Variants in MICAL3 observed in about 807,000 individuals in gnomAD.
The protein encoded by MICAL3 is microtubule associated monooxygenase, calponin and LIM domain containing 3.
A neutral mutation model predicts 207.4 loss-of-function variants in MICAL3; 62 were observed. The ratio of observed to expected loss-of-function variants is 0.30; its 90% confidence interval spans 0.24 to 0.37. MICAL3 has a LOEUF of 0.37. Among genes scored for constraint, MICAL3 ranks in the 10% least tolerant of loss-of-function variants. MICAL3 has a pLI of 1.00. For missense variants in MICAL3, 2,368 were observed against 2,635.6 expected (o/e 0.90, Z 2.22); for synonymous variants, 1,077 against 1,069.3 (o/e 1.01, Z -0.14).
At chr22:17,984,422 C>T (rs529504116) in intron 1 of MICAL3, among the ~76,000 whole-genome samples, 52 of 152,374 alleles carry the variant, frequency 3.4e-4, no homozygotes, top group Non-Finnish European at 5.6e-4. Context: ...GATAAAGACA[C>T]TGGTCCAAGA....
intron 1 of MICAL3, among the ~76,000 whole-genome samples, chr22:17,976,512 T>C (rs1343307154): frequency 6.7e-6 from 1 of 148,222 alleles, no homozygotes; most frequent in Non-Finnish European, 1.5e-5. Flanking sequence ...GAATAAAATA[T>C]ACATGTATAT....
chr22:17,869,338 T>C (rs1602098127), intron 17 of MICAL3, among the ~76,000 whole-genome samples: 1 of 152,064 alleles, frequency 6.6e-6, no homozygotes, highest in East Asian at 1.9e-4. Context: ...AGGAGACCAG[T>C]GGTCCAAGTG....
intron 1 of MICAL3, among the ~76,000 whole-genome samples, chr22:17,918,666 C>T (rs1275393121): frequency 6.6e-6 from 1 of 152,174 alleles, no homozygotes; most frequent in Non-Finnish European, 1.5e-5. Flanking sequence ...CACGCCTTCC[C>T]TCTGTTGCCT....
chr22:17,825,618 G>A (rs1208022793), intron 22 of MICAL3, among the ~76,000 whole-genome samples: 2 of 152,200 alleles, frequency 1.3e-5, no homozygotes, highest in Admixed American at 6.5e-5. Context: ...GAAGCCCCAC[G>A]AGCTCCCATG....
chr22:17,872,690 T>C, intron 16 of MICAL3: 1 of 1,028,578 alleles, frequency 9.7e-7, no homozygotes, highest in Non-Finnish European at 1.5e-6. Context: ...AGCACACAGG[T>C]GTGTTTCCCA....
intron 1 of MICAL3, among the ~76,000 whole-genome samples, chr22:17,958,344 G>C (rs1352460015): frequency 6.6e-6 from 1 of 152,218 alleles, no homozygotes; most frequent in African/African-American, 2.4e-5. Flanking sequence ...GAGAGACTGA[G>C]TTGAACGCAC....
chr22:17,987,803 GA>G (rs66649640), intron 1 of MICAL3, among the ~76,000 whole-genome samples: 35,401 of 151,580 alleles, frequency 0.23, 4,764 homozygotes, highest in East Asian at 0.52. Context: ...AAATTGGTCT[GA>G]AAAAAATGCA....
Position 17,791,614 on chromosome 22 carries a change from C to T in MICAL3, c.5651-313G>A, listed in dbSNP as rs75492633. The T allele has an allele frequency of 9.6e-3, 3,650 of 381,426 alleles. 180 individuals are homozygous for T. The East Asian group carries it at 0.12, about 13-fold the overall frequency. 23.6% of individuals were successfully genotyped at this position (381,426 alleles called of 1,614,324 possible). ...CTTAGGATGACTTACATTGCTTTCCCTCTTTTTTGCCACTCAATGTTTATT... is the reference window on the plus strand; with the variant it reads ...CTTAGGATGACTTACATTGCTTTCCTTCTTTTTTGCCACTCAATGTTTATT... On this transcript the variant is annotated intron_variant, in intron 29 of 31. Coordinates refer to ENST00000441493, the MANE Select transcript of MICAL3 (RefSeq NM_015241.3).
chr22:17,821,814 C>A (rs1921680408), intron 24 of MICAL3, among the ~76,000 whole-genome samples: 1 of 152,238 alleles, frequency 6.6e-6, no homozygotes, highest in South Asian at 2.1e-4. Flanking sequence ...CAGACCCAAA[C>A]TATGCAAGGA....
At chr22:17,996,805 A>C (rs1922335199) in intron 1 of MICAL3, among the ~76,000 whole-genome samples, 1 of 152,150 alleles carries the variant, frequency 6.6e-6, no homozygotes, top group Non-Finnish European at 1.5e-5. Flanking sequence ...GTACACCGGA[A>C]GCTAAAGACC....
At chr22:17,912,839 C>A (rs1456412946) in intron 1 of MICAL3, among the ~76,000 whole-genome samples, 1 of 152,206 alleles carries the variant, frequency 6.6e-6, no homozygotes, top group Non-Finnish European at 1.5e-5. Context: ...CCTAACTGCT[C>A]TGGATAGAAC....
chr22:17,849,211 C>T (rs1158549115), intron 19 of MICAL3, among the ~76,000 whole-genome samples: 4 of 152,230 alleles, frequency 2.6e-5, no homozygotes, highest in Non-Finnish European at 5.9e-5. Context: ...TCACAAATCC[C>T]ACAAGTCCCT....
rs552793119 is a variant in MICAL3 at position 17,997,895 on chromosome 22, C to T, written c.-75+26386G>A. Among the ~76,000 whole-genome samples, 4 of 149,382 alleles carry T rather than the reference C, an allele frequency of 2.7e-5. No individual in the cohort carries two copies. In the East Asian group the frequency reaches 5.9e-4, roughly 22 times the overall value. ...CCACTACCTAGTCATCAGAAAAGCA[C>T]AATGATCTGGTATCTTTAAGTCCTT... On this transcript the variant is annotated intron_variant, in intron 1 of 31. Coordinates refer to ENST00000441493, the MANE Select transcript of MICAL3 (RefSeq NM_015241.3).
intron 19 of MICAL3, chr22:17,860,366 A>T: frequency 1.0e-6 from 1 of 985,444 alleles, no homozygotes; most frequent in South Asian, 4.7e-5. Context: ...CGGGCAGTAG[A>T]CAGGCAGCAG....
At chr22:17,850,308 G>A (rs1156757555) in intron 19 of MICAL3, among the ~76,000 whole-genome samples, 1 of 151,672 alleles carries the variant, frequency 6.6e-6, no homozygotes, top group Non-Finnish European at 1.5e-5. Flanking sequence ...CCCCTGCAGT[G>A]AGGACACCGC....
chr22:17,876,941 GGTTAT>G (rs1928571473), intron 16 of MICAL3: 1 of 92,546 alleles, frequency 1.1e-5, no homozygotes, highest in South Asian at 3.6e-4. Flanking sequence ...AGGTTAGGGA[GGTTAT>G]GGAGGTTATG....
intron 16 of MICAL3, among the ~76,000 whole-genome samples, chr22:17,875,909 G>C (rs921330250): frequency 3.3e-5 from 5 of 152,142 alleles, no homozygotes. Context: ...TCTGTGCTCT[G>C]CCAAGCAACC....
At chr22:17,931,120 C>T (rs766520959) in intron 1 of MICAL3, among the ~76,000 whole-genome samples, 15 of 152,206 alleles carry the variant, frequency 9.9e-5, no homozygotes, top group African/African-American at 3.6e-4. Flanking sequence ...CATCTGGACC[C>T]CCACACCCCC....
At chr22:17,797,587 C>T (rs754820327) in intron 29 of MICAL3, among the ~76,000 whole-genome samples, 2 of 152,198 alleles carry the variant, frequency 1.3e-5, no homozygotes, top group East Asian at 1.9e-4. Context: ...ATCTGTGTGG[C>T]GGTGGGTGCT....
Sources: allele counts gnomAD v4.1 joint callset (sites outside exome capture counted in the v4.1 genomes callset), GRCh38; gene constraint gnomAD v4.1.1; transcripts MANE v1.5; gene names NCBI Gene and HGNC (gene_info 2026-07-23, HGNC 2026-07-21).